The following WWOX variants were observed in gnomAD, a reference collection of about 807,000 sequenced individuals.
WWOX encodes WW domain containing oxidoreductase, also known as WW domain-containing oxidoreductase.
WWOX carries 69 observed loss-of-function variants against 46.2 expected under a neutral mutation model. The ratio of observed to expected loss-of-function variants is 1.49; its 90% CI spans 1.23 to 1.82. The LOEUF is 1.82. WWOX is among the 40% of genes most tolerant of loss of function. The probability of loss-of-function intolerance (pLI) is 0.00; values close to 1 mark genes in which losing one functional copy is unlikely to be tolerated. For synonymous variants in WWOX, 359 were observed against 202.6 expected, an observed-to-expected ratio of 1.77 and a Z score of -6.56; for missense variants, 919 against 542.6, an observed-to-expected ratio of 1.69 and a Z score of -6.89.
intron 8 of WWOX, among the ~76,000 whole-genome samples, chr16:78,843,260 C>T (rs903652339): frequency 6.7e-6 from 1 of 150,080 alleles, no homozygotes. Context: ...TGAGCTTGTA[C>T]CTCTAAAGAA....
At chr16:78,628,189 C>T (rs77467380) in intron 8 of WWOX, among the ~76,000 whole-genome samples, 5,314 of 151,574 alleles carry the variant, frequency 0.035, 175 homozygotes, top group African/African-American at 0.082. Flanking sequence ...ATTGTCATGG[C>T]TGCCGTCTGA....
chr16:78,837,635 T>G (rs962036337), intron 8 of WWOX, among the ~76,000 whole-genome samples: 1 of 152,308 alleles, frequency 6.6e-6, no homozygotes, highest in South Asian at 2.1e-4. Context: ...CTAGAAACTG[T>G]TTATTGGTGA....
At chr16:78,667,546 C>T (rs186952808) in intron 8 of WWOX, among the ~76,000 whole-genome samples, 3 of 151,858 alleles carry the variant, frequency 2.0e-5, no homozygotes, top group Non-Finnish European at 4.4e-5. Flanking sequence ...TGGCAGGCAC[C>T]TGTAGTCCCA....
At chr16:78,193,590 A>G (rs2035950838) in intron 5 of WWOX, among the ~76,000 whole-genome samples, 2 of 16,384 alleles carry the variant, frequency 1.2e-4, no homozygotes, top group Non-Finnish European at 2.4e-4. Flanking sequence ...CTAGTCTTAT[A>G]TCATTGAAAT....
rs145993583 is a variant in WWOX, at chr16:78,494,957, G to A, written c.1056+62205G>A. Reference sequence around the variant, plus strand: ...GTACTTTGTTGCAACCCAGCTCACCGCCATCAGATGAGTGGAGGTTTCTTA... The same window carrying A: ...GTACTTTGTTGCAACCCAGCTCACCACCATCAGATGAGTGGAGGTTTCTTA... On this transcript the variant is annotated intron_variant, in intron 8 of 8. Coordinates refer to ENST00000566780, the MANE Select transcript of WWOX (RefSeq NM_016373.4). Among the ~76,000 whole-genome samples the A allele has an allele frequency of 4.5e-4, 68 of 152,220 alleles. 1 individual carries two copies. In the East Asian group the frequency reaches 0.013, roughly 29 times the overall value.
chr16:78,617,271 G>A (rs1469657951), intron 8 of WWOX, among the ~76,000 whole-genome samples: 2 of 151,884 alleles, frequency 1.3e-5, no homozygotes, highest in East Asian at 1.9e-4. Flanking sequence ...GCGTGGTGGC[G>A]TGCACCTGTG....
chr16:79,160,888 TATA>T (rs2050473784), intron 8 of WWOX, among the ~76,000 whole-genome samples: 1 of 26,574 alleles, frequency 3.8e-5, no homozygotes, highest in Non-Finnish European at 5.9e-5. Flanking sequence ...TACATACACA[TATA>T]CATATACACA....
At chr16:79,007,935 G>A (rs4888916) in intron 8 of WWOX, among the ~76,000 whole-genome samples, 152,088 of 152,334 alleles carry the variant, frequency 1, 75,921 homozygotes, top group Middle Eastern at 1. Context: ...CTTTCATTGT[G>A]TTAGCTATCT....
intron 8 of WWOX, among the ~76,000 whole-genome samples, chr16:79,027,462 A>G (rs2047668655): frequency 6.6e-6 from 1 of 151,658 alleles, no homozygotes; most frequent in South Asian, 2.1e-4. Context: ...CTGTTTATTG[A>G]TACTAAGAAG....
chr16:78,168,862 A>G (rs559035423), intron 5 of WWOX, among the ~76,000 whole-genome samples: 4 of 152,336 alleles, frequency 2.6e-5, no homozygotes, highest in South Asian at 4.1e-4. Flanking sequence ...TGTAATTACT[A>G]TGACTACTAA....
intron 8 of WWOX, among the ~76,000 whole-genome samples, chr16:78,731,794 A>G (rs1267222270): frequency 6.6e-6 from 1 of 152,048 alleles, no homozygotes; most frequent in African/African-American, 2.4e-5. Flanking sequence ...ATAACATGCA[A>G]CAAAAACTAA....
At chr16:78,575,904 C>T (rs984447387) in intron 8 of WWOX, among the ~76,000 whole-genome samples, 1 of 150,574 alleles carries the variant, frequency 6.6e-6, no homozygotes, top group Non-Finnish European at 1.5e-5. Context: ...CTTTTTACCT[C>T]TTTATATAAA....
chr16:78,976,484 G>A (rs1009233038), intron 8 of WWOX, among the ~76,000 whole-genome samples: 1 of 152,212 alleles, frequency 6.6e-6, no homozygotes, highest in African/African-American at 2.4e-5. Flanking sequence ...GGCTGACTGA[G>A]CAAGTAATTT....
intron 8 of WWOX, among the ~76,000 whole-genome samples, chr16:78,715,133 T>A (rs528389803): frequency 2.0e-5 from 3 of 151,986 alleles, no homozygotes; most frequent in Non-Finnish European, 4.4e-5. Flanking sequence ...AAAAAGAGAA[T>A]GGATTGTGAT....
chr16:78,376,067 C>A (rs1045953556), intron 5 of WWOX, among the ~76,000 whole-genome samples: 6 of 152,048 alleles, frequency 3.9e-5, no homozygotes, highest in African/African-American at 1.4e-4. Context: ...CCAGGCTGTT[C>A]TCGAACTCCT....
At chr16:78,769,973 G>A (rs1015636214) in intron 8 of WWOX, among the ~76,000 whole-genome samples, 2 of 152,160 alleles carry the variant, frequency 1.3e-5, no homozygotes, top group African/African-American at 4.8e-5. Flanking sequence ...GAGCTCAAGA[G>A]GTTGAGGCTG....
intron 5 of WWOX, among the ~76,000 whole-genome samples, chr16:78,332,740 G>C (rs2080790792): frequency 6.6e-6 from 1 of 152,154 alleles, no homozygotes; most frequent in Non-Finnish European, 1.5e-5. Context: ...GAGGATCACT[G>C]AGTGTGCCTT....
intron 8 of WWOX, among the ~76,000 whole-genome samples, chr16:78,865,999 A>T (rs1173703463): frequency 6.6e-6 from 1 of 152,224 alleles, no homozygotes; most frequent in Non-Finnish European, 1.5e-5. Flanking sequence ...TACTACGCAG[A>T]AAGGGAAGCA....
At chr16:78,923,173 G>C (rs897508850) in intron 8 of WWOX, among the ~76,000 whole-genome samples, 2 of 151,806 alleles carry the variant, frequency 1.3e-5, no homozygotes, top group Admixed American at 1.3e-4. Context: ...TAGAGACGGG[G>C]TTTCTCCATG....
Sources: allele counts gnomAD v4.1 joint callset (sites outside exome capture counted in the v4.1 genomes callset), GRCh38; gene constraint gnomAD v4.1.1; transcripts MANE v1.5; gene names NCBI Gene and HGNC (gene_info 2026-07-23, HGNC 2026-07-21).